KCNG2: variants seen among roughly 807,000 people sequenced by gnomAD.
The protein encoded by KCNG2 is voltage-gated potassium channel regulatory subunit KCNG2.
A neutral mutation model predicts 12.3 loss-of-function variants in KCNG2; 7 were observed. The observed-to-expected ratio is 0.57, with a 90% CI of 0.32 to 1.07. The LOEUF (loss-of-function observed/expected upper bound fraction) is 1.07. Among genes scored for constraint, KCNG2 ranks in the 50% least tolerant of loss-of-function variants. The pLI is 0.04. For missense variants in KCNG2, 703 were observed against 726.0 expected, an observed-to-expected ratio of 0.97 and a Z score of 0.36; for synonymous variants, 414 against 351.4, an observed-to-expected ratio of 1.18 and a Z score of -1.99.
At chr18:79,883,543 G>A (rs1486533829) in intron 3 of KCNG2, among the ~76,000 whole-genome samples, 1 of 152,230 alleles carries the variant, frequency 6.6e-6, no homozygotes, top group African/African-American at 2.4e-5. Flanking sequence ...TGCCCCGCCT[G>A]GACCACCCTG....
chr18:79,884,272 C>T lies in KCNG2; in HGVS notation c.625-14768C>T, dbSNP rs1980434037. 6.6e-6 allele frequency among the ~76,000 whole-genome samples: 1 copy of T among 152,116 alleles called. No individual in the cohort carries two copies. The highest frequency in any genetic ancestry group is 6.5e-5 in the Admixed American group (1 of 15,280). ...CTCCTCCCGCCCCTCCCTGTGGGCCCCACACCTGCACCCCCAAGAGAATTC... is the reference window on the plus strand; with the variant it reads ...CTCCTCCCGCCCCTCCCTGTGGGCCTCACACCTGCACCCCCAAGAGAATTC... On this transcript the variant is annotated intron_variant, in intron 3 of 3. Transcript: ENST00000316249. The surrounding 1 kb of genome is among the most constrained non-coding windows in gnomAD (Gnocchi z 5.5).
rs1555692100 is a variant in KCNG2 at position 79,830,843 on chromosome 18, T to TCTGCGGACAGAGC, written c.-114-25533_-114-25521dup. 4.9e-3 allele frequency among the ~76,000 whole-genome samples: 397 copies of TCTGCGGACAGAGC among 81,092 alleles called. 47 individuals are homozygous for TCTGCGGACAGAGC. The highest frequency in any genetic ancestry group is 0.022 in the African/African-American group (373 of 16,758). 53.2% of individuals were successfully genotyped at this position (81,092 alleles called of 152,430 possible). On this transcript the variant is annotated intron_variant, in intron 1 of 3. Transcript: ENST00000316249. Reference sequence around the variant, plus strand: ...TACAGAGCCTTCGTCAGGAGCGTTCTCTGCGGACAGAGCCTTCGTCAGGAG... The same window carrying TCTGCGGACAGAGC: ...TACAGAGCCTTCGTCAGGAGCGTTCTCTGCGGACAGAGCCTGCGGACAGAGCCTTCGTCAGGAG...
intron 3 of KCNG2, among the ~76,000 whole-genome samples, chr18:79,879,704 A>G (rs1980219498): frequency 1.3e-5 from 2 of 152,318 alleles, no homozygotes; most frequent in South Asian, 4.1e-4. Flanking sequence ...AAAGGGTGTT[A>G]TGGTTCAGAA....
intron 3 of KCNG2, among the ~76,000 whole-genome samples, chr18:79,881,950 C>G (rs140787067): frequency 6.6e-6 from 1 of 152,204 alleles, no homozygotes; most frequent in East Asian, 1.9e-4. Flanking sequence ...AGGCCGGGCA[C>G]GGAGAAAGAA....
intron 2 of KCNG2, among the ~76,000 whole-genome samples, chr18:79,859,330 G>T (rs1979131734): frequency 6.6e-6 from 1 of 152,190 alleles, no homozygotes; most frequent in African/African-American, 2.4e-5. Context: ...AAAGAAGCTT[G>T]TGATGTCATC....
chr18:79,836,756 A>G (rs1421069940), intron 1 of KCNG2, among the ~76,000 whole-genome samples: 1 of 152,138 alleles, frequency 6.6e-6, no homozygotes, highest in East Asian at 1.9e-4. Flanking sequence ...CCTTGTAAGA[A>G]CTCACTCACT....
rs1981139033 is a variant in KCNG2, at chr18:79,899,722, C to T, written c.1307C>T (p.Ser436Leu). 5.6e-6 allele frequency: 9 copies of T among 1,601,946 alleles called. No homozygotes were observed. The highest frequency in any genetic ancestry group is 1.7e-5 in the Admixed American group (1 of 59,284). The change falls in exon 4 of 4, where the codon TCG (serine) becomes TTG (leucine). Residue 436 changes from serine (S) to leucine (L), a missense_variant. Coordinates refer to ENST00000316249, the MANE Select transcript of KCNG2 (RefSeq NM_012283.2). Reference sequence around the variant, plus strand: ...GCCCTGCAGGAGGACAGCACGCACTCGGCCACAGCCACCGAGGACAGCTCG... The same window carrying T: ...GCCCTGCAGGAGGACAGCACGCACTTGGCCACAGCCACCGAGGACAGCTCG... ...EPALQEDSTH[S>L]ATATEDSSQG...
chr18:79,843,179 G>C (rs1417062017), intron 1 of KCNG2, among the ~76,000 whole-genome samples: 17 of 152,060 alleles, frequency 1.1e-4, no homozygotes, highest in Non-Finnish European at 2.9e-5. Flanking sequence ...AACCTTGCAG[G>C]CCAGGAGAGA....
rs537542070 is a variant in KCNG2, at chr18:79,863,589, C to G, written c.-40-39C>G. 31 of 1,156,090 alleles carry G rather than the reference C, an allele frequency of 2.7e-5. 1 individual carries two copies. The South Asian group carries it at 9.3e-4, about 35-fold the overall frequency. The allele number at this position is 1,156,090 out of a possible 1,614,324, so 71.6% of individuals were successfully genotyped here. A position where few individuals can be genotyped will look rare whatever the true frequency, so the allele number is the denominator to read the frequency against. ...CGCGGGCGGACGCGCTCCCCCAGCT[C>G]AGCCCTCGCGACCCTAACGCGGTCC... On this transcript the variant is annotated intron_variant, in intron 2 of 3. Transcript: ENST00000316249.
intron 1 of KCNG2, among the ~76,000 whole-genome samples, chr18:79,811,215 A>G (rs1487513984): frequency 1.3e-5 from 2 of 152,242 alleles, no homozygotes; most frequent in African/African-American, 2.4e-5. Context: ...TTTTGCAGAA[A>G]TGGACAAGCT....
chr18:79,865,699 TG>T (rs1979476486), intron 3 of KCNG2, among the ~76,000 whole-genome samples: 1 of 139,672 alleles, frequency 7.2e-6, no homozygotes, highest in African/African-American at 2.7e-5. Flanking sequence ...GAGGTCTGGG[TG>T]CTGAGGCCTG....
intron 3 of KCNG2, among the ~76,000 whole-genome samples, chr18:79,898,765 AAAAGG>A (rs561858957): frequency 9.4e-4 from 143 of 152,374 alleles, no homozygotes; most frequent in African/African-American, 3.4e-3. Flanking sequence ...CCAAGGCTTT[AAAAGG>A]TCAGGGGTTT....
At chr18:79,848,042 C>T (rs929796337) in intron 1 of KCNG2, among the ~76,000 whole-genome samples, 4 of 152,102 alleles carry the variant, frequency 2.6e-5, no homozygotes, top group South Asian at 4.1e-4. Context: ...GGATGGGGTG[C>T]GGTGCATGGA....
intron 1 of KCNG2, among the ~76,000 whole-genome samples, chr18:79,848,650 G>T (rs1234007225): frequency 2.0e-5 from 3 of 152,252 alleles, no homozygotes; most frequent in Non-Finnish European, 4.4e-5. Context: ...GGAACCCACA[G>T]CTCTGCCTTT....
chr18:79,874,906 A>C (rs998580867), intron 3 of KCNG2, among the ~76,000 whole-genome samples: 1 of 151,952 alleles, frequency 6.6e-6, no homozygotes, highest in African/African-American at 2.4e-5. Context: ...CTGTGGTAGG[A>C]GTGGGGGTTC....
At chr18:79,816,375 C>G (rs2087527902) in intron 1 of KCNG2, 1 of 152,418 alleles carries the variant, frequency 6.6e-6, no homozygotes, top group Non-Finnish European at 1.5e-5. Flanking sequence ...GAGCGGCTGC[C>G]CATCTCCCCC....
chr18:79,826,499 G>A (rs532927077), intron 1 of KCNG2, among the ~76,000 whole-genome samples: 25 of 150,034 alleles, frequency 1.7e-4, no homozygotes, highest in Middle Eastern at 3.5e-3. Context: ...AGCTCCTCAC[G>A]GAAGGTTAGA....
chr18:79,883,867 C>T (rs1052499264), intron 3 of KCNG2, among the ~76,000 whole-genome samples: 17 of 152,180 alleles, frequency 1.1e-4, no homozygotes, highest in Non-Finnish European at 2.4e-4. Context: ...CCCGTCATGG[C>T]GGCTGCAGCC....
intron 3 of KCNG2, among the ~76,000 whole-genome samples, chr18:79,892,636 CCATTCA>C (rs1980783863): frequency 6.6e-6 from 1 of 152,018 alleles, no homozygotes. Context: ...GTTGTTCACT[CCATTCA>C]CAGCTAATGT....
Sources: gnomAD v4.1 joint callset for allele counts (sites outside exome capture counted in the v4.1 genomes callset) on GRCh38, gnomAD v4.1.1 for gene constraint, Gnocchi (gnomAD v3.1) non-coding constraint, MANE v1.5 for transcripts, NCBI Gene and HGNC (gene_info 2026-07-23, HGNC 2026-07-21) for gene names.